Variants in MAML3 observed in about 807,000 individuals in gnomAD.
MAML3 encodes the protein mastermind like transcriptional coactivator 3, also known as mastermind-like protein 3.
MAML3 carries 27 observed loss-of-function variants against 101.9 expected under a neutral mutation model. The observed-to-expected ratio is 0.27, with a 90% CI of 0.20 to 0.37. The LOEUF (loss-of-function observed/expected upper bound fraction) is 0.37, where lower values mean the gene tolerates loss of function less well. Among genes scored for constraint, MAML3 ranks in the 10% least tolerant of loss-of-function variants. The pLI is 1.00. For missense variants in MAML3, 1,316 were observed against 1,444.9 expected, an observed-to-expected ratio of 0.91 and a Z score of 1.45; for synonymous variants, 501 against 555.9, an observed-to-expected ratio of 0.90 and a Z score of 1.39.
intron 1 of MAML3, among the ~76,000 whole-genome samples, chr4:139,969,857 A>T (rs1475362088): frequency 6.6e-6 from 1 of 152,224 alleles, no homozygotes; most frequent in Non-Finnish European, 1.5e-5. Context: ...CTCACAAAAA[A>T]GTGTTTCCAA....
Position 139,719,936 on chromosome 4 carries a change from G to A in MAML3, c.2804C>T (p.Pro935Leu). ...GGGCCTAGGCAAGGCCTGGCCTACT[G>A]GCCCTTTCATCTGTGGATGTTGCTG... ...ITQQHPQMKG[P>L]VGQALPRPQA... The change falls in exon 5 of 5, where the codon CCA (proline) becomes CTA (leucine). Residue 935 changes from proline (P) to leucine (L), a missense_variant. Coordinates refer to ENST00000509479, the MANE Select transcript of MAML3 (RefSeq NM_018717.5). The A allele has an allele frequency of 6.2e-7, 1 of 1,614,058 alleles. No individual in the cohort carries two copies. Among genetic ancestry groups the A allele is most frequent in the South Asian group, 1.1e-5 (1 of 91,090 alleles).
intron 1 of MAML3, among the ~76,000 whole-genome samples, chr4:140,120,106 G>A (rs9991024): frequency 0.12 from 18,086 of 151,684 alleles, 1,173 homozygotes; most frequent in African/African-American, 0.17. Flanking sequence ...GCGTGGTGGC[G>A]GGCGCCTGTA....
chr4:139,803,369 C>T (rs1365416530), intron 2 of MAML3, among the ~76,000 whole-genome samples: 1 of 152,144 alleles, frequency 6.6e-6, no homozygotes, highest in African/African-American at 2.4e-5. Flanking sequence ...TACAGATTAC[C>T]ATTTTTGGAA....
chr4:139,740,149 C>T (rs1729110857), intron 2 of MAML3: 1 of 152,230 alleles, frequency 6.6e-6, no homozygotes, highest in Non-Finnish European at 1.5e-5. Flanking sequence ...ATTCTTTGGT[C>T]TACCTGGACA....
chr4:139,723,831 T>C (rs1728358608), intron 4 of MAML3, among the ~76,000 whole-genome samples: 1 of 152,230 alleles, frequency 6.6e-6, no homozygotes, highest in Non-Finnish European at 1.5e-5. Context: ...CGTGGTTCCC[T>C]AGCTAGCAAA....
At position 139,720,107 on chromosome 4, in the gene MAML3, A is replaced by T. The variant is rs1728171342; in HGVS notation, c.2633T>A (p.Met878Lys). 1 of 1,613,966 alleles carries T rather than the reference A, an allele frequency of 6.2e-7. No individual in the cohort carries two copies. Among genetic ancestry groups the T allele is most frequent in the African/African-American group, 1.3e-5 (1 of 74,952 alleles). ...QPGMYNMSTG[M>K]TQMLQHPNQS... ...GTTTGGATGCTGCAACATTTGGGTC[A>T]TGCCTGTGCTCATATTGTACATTCC... is the stretch of plus-strand genomic sequence containing the variant. The change falls in exon 5 of 5, where the codon ATG becomes AAG. Residue 878 changes from methionine (M) to lysine (K), a missense_variant. By Grantham distance (95) the Met-to-Lys change is moderately conservative (BLOSUM62 -1). Coordinates refer to ENST00000509479, the MANE Select transcript of MAML3 (RefSeq NM_018717.5).
At chr4:139,997,502 T>A (rs996534413) in intron 1 of MAML3, among the ~76,000 whole-genome samples, 2 of 152,152 alleles carry the variant, frequency 1.3e-5, no homozygotes, top group Non-Finnish European at 2.9e-5. Context: ...GTCATATACA[T>A]CTACATTTGC....
intron 1 of MAML3, among the ~76,000 whole-genome samples, chr4:140,066,495 G>A (rs145703090): frequency 7.9e-5 from 12 of 152,242 alleles, no homozygotes; most frequent in African/African-American, 2.6e-4. Context: ...CCCTAATGAA[G>A]TACAGACTTC....
intron 1 of MAML3, among the ~76,000 whole-genome samples, chr4:139,906,140 CG>C (rs749451160): frequency 5.9e-5 from 9 of 152,132 alleles, no homozygotes; most frequent in Non-Finnish European, 1.3e-4. Flanking sequence ...AGATGGGGGG[CG>C]GGTCTCACTA....
chr4:140,120,861 G>C (rs1728595994), intron 1 of MAML3, among the ~76,000 whole-genome samples: 1 of 152,126 alleles, frequency 6.6e-6, no homozygotes, highest in African/African-American at 2.4e-5. Context: ...CTTGGGAATG[G>C]GTTACATTGT....
At chr4:139,886,936 T>A (rs1482941576) in intron 2 of MAML3, among the ~76,000 whole-genome samples, 2 of 152,206 alleles carry the variant, frequency 1.3e-5, no homozygotes, top group Non-Finnish European at 2.9e-5. Flanking sequence ...AAAGACAATT[T>A]TCTTGAAATA....
At chr4:139,984,143 G>T (rs1734494599) in intron 1 of MAML3, among the ~76,000 whole-genome samples, 1 of 152,178 alleles carries the variant, frequency 6.6e-6, no homozygotes, top group African/African-American at 2.4e-5. Context: ...ACAGGAGGTG[G>T]CACTGGAGTA....
At chr4:140,120,532 T>A (rs1482887518) in intron 1 of MAML3, among the ~76,000 whole-genome samples, 2 of 152,220 alleles carry the variant, frequency 1.3e-5, no homozygotes, top group African/African-American at 4.8e-5. Flanking sequence ...GGGTATCCAA[T>A]CGTTAGGCAT....
intron 2 of MAML3, chr4:139,794,412 C>A (rs1212536285): frequency 6.6e-6 from 1 of 152,222 alleles, no homozygotes; most frequent in African/African-American, 2.4e-5. Flanking sequence ...CCTGGTGTCC[C>A]AGTAGGATCA....
chr4:139,728,123 G>A (rs1178721043), intron 3 of MAML3, among the ~76,000 whole-genome samples: 1 of 152,194 alleles, frequency 6.6e-6, no homozygotes, highest in East Asian at 1.9e-4. Context: ...GCTGAGGTGG[G>A]AAGATTGCTT....
intron 2 of MAML3, among the ~76,000 whole-genome samples, chr4:139,801,974 C>T (rs1481650528): frequency 6.6e-6 from 1 of 152,124 alleles, no homozygotes; most frequent in Non-Finnish European, 1.5e-5. Context: ...ACAGACTGCC[C>T]ACTTCAGAAT....
chr4:140,125,705 G>A (rs1728672221), intron 1 of MAML3, among the ~76,000 whole-genome samples: 2 of 152,116 alleles, frequency 1.3e-5, no homozygotes, highest in African/African-American at 4.8e-5. Flanking sequence ...TGATCCTCCA[G>A]CCTTGGCCTC....
chr4:139,896,242 C>T (rs1732605494), intron 1 of MAML3, among the ~76,000 whole-genome samples: 1 of 152,130 alleles, frequency 6.6e-6, no homozygotes, highest in Admixed American at 6.5e-5. Context: ...CTGTGACTTT[C>T]CTCTCCTCAA....
chr4:139,994,968 C>T (rs1734775588), intron 1 of MAML3, among the ~76,000 whole-genome samples: 1 of 152,030 alleles, frequency 6.6e-6, no homozygotes, highest in Admixed American at 6.6e-5. Flanking sequence ...TTTTTCCCTG[C>T]CTTAGTGGGA....
Sources: allele counts gnomAD v4.1 joint callset (sites outside exome capture counted in the v4.1 genomes callset), GRCh38; gene constraint gnomAD v4.1.1; transcripts MANE v1.5; gene names NCBI Gene and HGNC (gene_info 2026-07-23, HGNC 2026-07-21).